Variants in DNM2 observed in about 807,000 individuals in gnomAD.
DNM2 encodes the protein dynamin-2.
DNM2 carries 15 observed loss-of-function variants against 99.0 expected under a neutral mutation model. That is an observed-to-expected ratio of 0.15 (90% CI 0.10 to 0.23). The LOEUF (loss-of-function observed/expected upper bound fraction) is 0.23, where lower values mean the gene tolerates loss of function less well. Among genes scored for constraint, DNM2 ranks in the 10% least tolerant of loss-of-function variants. The pLI is 1.00. For synonymous variants in DNM2, 525 were observed against 481.2 expected (o/e 1.09, Z -1.19); for missense variants, 742 against 1,189.4 (o/e 0.62, Z 5.53).
intron 7 of DNM2, among the ~76,000 whole-genome samples, chr19:10,790,639 G>T (rs551027604): frequency 6.6e-6 from 1 of 152,192 alleles, no homozygotes; most frequent in Admixed American, 6.5e-5. Context: ...GCAAATTTTT[G>T]TATTTTTAGT....
At chr19:10,779,648 C>T (rs892547467) in intron 5 of DNM2, among the ~76,000 whole-genome samples, 2 of 150,996 alleles carry the variant, frequency 1.3e-5, no homozygotes, top group Non-Finnish European at 2.9e-5. Flanking sequence ...TTTGGGATTA[C>T]AGGCATGTGC....
chr19:10,789,535 A>G lies in DNM2; in HGVS notation c.992+2829A>G, dbSNP rs564735240. Among the ~76,000 whole-genome samples, 822 of 149,348 alleles carry G rather than the reference A, an allele frequency of 5.5e-3. 11 individuals carry two copies. The highest frequency in any genetic ancestry group is 0.033 in the South Asian group (157 of 4,740). On this transcript the variant is annotated intron_variant, in intron 7 of 20. Transcript: ENST00000389253. ...TGGGATCCTGTCTCTGAAATTAAGA[A>G]AAAAAAAAAAAATTAGGCTGGGGAC...
rs1465794065 is a variant in DNM2, at chr19:10,764,014, T to C, written c.235+4203T>C. ...GCATAGGCACCCTTGCTGGGGGAGGTGGGTGGGAGGTAGGACGCCTTACTA... is the reference window on the plus strand; with the variant it reads ...GCATAGGCACCCTTGCTGGGGGAGGCGGGTGGGAGGTAGGACGCCTTACTA... On this transcript the variant is annotated intron_variant, in intron 2 of 20. Transcript: ENST00000389253. This position sits in a 1 kb window ranked among gnomAD's most constrained non-coding sequence, Gnocchi z 4.1. 1.4e-5 allele frequency among the ~76,000 whole-genome samples: 2 copies of C among 145,906 alleles called. No homozygotes were observed. The highest frequency in any genetic ancestry group is 5.1e-5 in the African/African-American group (2 of 39,002).
chr19:10,736,226 T>C (rs982115755), intron 1 of DNM2, among the ~76,000 whole-genome samples: 4 of 150,774 alleles, frequency 2.7e-5, no homozygotes, highest in Admixed American at 6.6e-5. Flanking sequence ...GATCGCGCTA[T>C]TGCACTCCAG....
At chr19:10,807,537 GC>G (rs2072386220) in intron 13 of DNM2, among the ~76,000 whole-genome samples, 1 of 113,952 alleles carries the variant, frequency 8.8e-6, no homozygotes, top group African/African-American at 3.4e-5. Context: ...ATCACGTCCA[GC>G]CTTTTTTTTT....
chr19:10,725,344 G>A (rs1401591533), intron 1 of DNM2, among the ~76,000 whole-genome samples: 1 of 151,982 alleles, frequency 6.6e-6, no homozygotes, highest in Non-Finnish European at 1.5e-5. Flanking sequence ...TATTTGGGAG[G>A]CTGAGGCAGG....
At chr19:10,752,161 G>A (rs1345702854) in intron 1 of DNM2, among the ~76,000 whole-genome samples, 1 of 152,190 alleles carries the variant, frequency 6.6e-6, no homozygotes, top group Non-Finnish European at 1.5e-5. Flanking sequence ...ATGTGAGCTG[G>A]TACTGGTAAC....
intron 5 of DNM2, among the ~76,000 whole-genome samples, chr19:10,779,768 C>A (rs539338124): frequency 6.6e-6 from 1 of 152,122 alleles, no homozygotes; most frequent in East Asian, 1.9e-4. Flanking sequence ...TGACTGCAAC[C>A]TCTGCCTCCT....
intron 1 of DNM2, among the ~76,000 whole-genome samples, chr19:10,750,653 G>A (rs894361021): frequency 4.6e-5 from 7 of 152,096 alleles, no homozygotes; most frequent in East Asian, 1.9e-4. Context: ...AAATAAGGCC[G>A]GGCGCGGTGG....
chr19:10,807,897 CTTTGGGAG>C (rs2072406641), intron 13 of DNM2, among the ~76,000 whole-genome samples: 1 of 149,968 alleles, frequency 6.7e-6, no homozygotes, highest in Admixed American at 6.7e-5. Flanking sequence ...AGTCCTAGCA[CTTTGGGAG>C]GCCGAGGCGG....
At position 10,783,450 on chromosome 19, in the gene DNM2, G is replaced by T. The variant is rs143461190; in HGVS notation, c.849+330G>T. ...CCACTGCACTCCAGCCTGGGCAATA[G>T]AGTGAGACCCTGTTTCAAAAACTTA... is the stretch of plus-strand genomic sequence containing the variant. On this transcript the variant is annotated intron_variant, in intron 6 of 20. Transcript: ENST00000389253. Among the ~76,000 whole-genome samples the T allele has an allele frequency of 1.7e-3, 262 of 152,284 alleles. 1 individual carries two copies. Among genetic ancestry groups the T allele is most frequent in the African/African-American group, 6.1e-3 (255 of 41,566 alleles).
intron 2 of DNM2, among the ~76,000 whole-genome samples, chr19:10,762,549 T>C (rs1452557523): frequency 6.6e-6 from 1 of 152,086 alleles, no homozygotes; most frequent in Admixed American, 6.5e-5. Context: ...ATTTACTACA[T>C]GTCAGGGAGG....
chr19:10,762,217 T>G (rs530904800), intron 2 of DNM2, among the ~76,000 whole-genome samples: 2 of 152,106 alleles, frequency 1.3e-5, no homozygotes, highest in East Asian at 1.9e-4. Flanking sequence ...TTTGTGTTTT[T>G]AGTAGAGACA....
chr19:10,808,298 A>G (rs1305819181), intron 13 of DNM2, among the ~76,000 whole-genome samples: 1 of 152,112 alleles, frequency 6.6e-6, no homozygotes, highest in East Asian at 1.9e-4. Flanking sequence ...GAACGTAACC[A>G]TTGCATGATT....
At chr19:10,784,745 A>G (rs2071495353) in intron 6 of DNM2, among the ~76,000 whole-genome samples, 1 of 151,790 alleles carries the variant, frequency 6.6e-6, no homozygotes, top group Non-Finnish European at 1.5e-5. Context: ...GCTCCATGCC[A>G]TAGATGTGAG....
chr19:10,768,175 C>G (rs781719859), intron 2 of DNM2, among the ~76,000 whole-genome samples: 3 of 151,782 alleles, frequency 2.0e-5, no homozygotes, highest in African/African-American at 4.8e-5. Context: ...CCCTGCTGGC[C>G]GGGCGCGGTG....
intron 6 of DNM2, among the ~76,000 whole-genome samples, chr19:10,783,696 A>ATT (rs1373476449): frequency 0.056 from 7,535 of 134,296 alleles, 278 homozygotes; most frequent in Non-Finnish European, 0.084. Flanking sequence ...TATTATTATT[A>ATT]TTATTATTAT....
Position 10,816,661 on chromosome 19 carries a change from G to A in DNM2, c.1672-3319G>A, listed in dbSNP as rs551552715. Among the ~76,000 whole-genome samples, 34 of 152,294 alleles carry A rather than the reference G, an allele frequency of 2.2e-4. No homozygotes were observed. The East Asian group carries it at 5.8e-3, about 26-fold the overall frequency. Reference sequence around the variant, plus strand: ...GCTGTGGTGTGTGGGCTGTCAGGCCGGCTGAGAGCTGGTGCCCTGCCTTTC... The same window carrying A: ...GCTGTGGTGTGTGGGCTGTCAGGCCAGCTGAGAGCTGGTGCCCTGCCTTTC... On this transcript the variant is annotated intron_variant, in intron 15 of 20. Coordinates refer to ENST00000389253, the MANE Select transcript of DNM2 (RefSeq NM_001005361.3). This position sits in a 1 kb window ranked among gnomAD's most constrained non-coding sequence, Gnocchi z 4.6.
intron 3 of DNM2, among the ~76,000 whole-genome samples, chr19:10,774,703 GT>G (rs2071091458): frequency 6.6e-6 from 1 of 150,626 alleles, no homozygotes; most frequent in African/African-American, 2.4e-5. Flanking sequence ...GGCATTACAG[GT>G]GTGAGCCACT....
Sources: gnomAD v4.1 joint callset for allele counts (sites outside exome capture counted in the v4.1 genomes callset) on GRCh38, gnomAD v4.1.1 for gene constraint, Gnocchi (gnomAD v3.1) non-coding constraint, MANE v1.5 for transcripts, NCBI Gene and HGNC (gene_info 2026-07-23, HGNC 2026-07-21) for gene names.